Variants in GFI1B observed in about 807,000 individuals in gnomAD.
GFI1B encodes the protein growth factor independent 1B transcriptional repressor.
Under a neutral mutation model 35.3 loss-of-function variants are expected in GFI1B, and 20 were observed. The ratio of observed to expected loss-of-function variants is 0.57; its 90% confidence interval spans 0.40 to 0.82. The LOEUF (loss-of-function observed/expected upper bound fraction) is 0.82. Among genes scored for constraint, GFI1B ranks in the 40% least tolerant of loss-of-function variants. GFI1B has a pLI of 0.00. For missense variants in GFI1B, 430 were observed against 446.3 expected, an observed-to-expected ratio of 0.96 and a Z score of 0.33; for synonymous variants, 178 against 177.6, an observed-to-expected ratio of 1.00 and a Z score of -0.02.
intron 1 of GFI1B, among the ~76,000 whole-genome samples, chr9:132,965,021 T>TAA (rs1848428903): frequency 6.6e-6 from 1 of 152,180 alleles, no homozygotes; most frequent in African/African-American, 2.4e-5. Flanking sequence ...TATCAATAAT[T>TAA]TACTATGGCC....
At chr9:132,966,178 G>GT (rs970107899) in intron 1 of GFI1B, among the ~76,000 whole-genome samples, 13 of 152,112 alleles carry the variant, frequency 8.5e-5, no homozygotes, top group African/African-American at 2.9e-4. Context: ...GGGAAACATA[G>GT]TGAGACCCCA....
chr9:132,987,548 C>T (rs756338290), intron 3 of GFI1B, 129 bp downstream of exon 3: 217 of 1,067,826 alleles, frequency 2.0e-4, no homozygotes, highest in Non-Finnish European at 2.5e-4. Context: ...GGATGCAGCC[C>T]GGGCTCTGTG....
chr9:132,989,625 C>T lies in GFI1B; in HGVS notation c.649-117C>T, dbSNP rs537057688. 8.1e-6 allele frequency: 6 copies of T among 736,516 alleles called. No homozygotes were observed. The East Asian group carries it at 1.1e-4, about 13-fold the overall frequency. 45.6% of individuals were successfully genotyped at this position (736,516 alleles called of 1,614,324 possible). On this transcript the variant is annotated intron_variant, in intron 5 of 6. Transcript: ENST00000372122. The surrounding 1 kb of genome is among the most constrained non-coding windows in gnomAD (Gnocchi z 6.2). ...CACCTCAGAGGCAGAGATGAGGGGT[C>T]CCCCGGTCCTGCTCCTCCAGGCCGC...
downstream of GFI1B, among the ~76,000 whole-genome samples, chr9:132,992,602 A>C (rs7019702): frequency 0.3 from 46,222 of 151,984 alleles, 8,754 homozygotes; most frequent in African/African-American, 0.52. Flanking sequence ...AGTTGTGAAC[A>C]TTCCTTTTTG....
chr9:132,984,661 C>T (rs375506935), intron 1 of GFI1B, among the ~76,000 whole-genome samples: 4 of 152,320 alleles, frequency 2.6e-5, no homozygotes, highest in South Asian at 2.1e-4. Flanking sequence ...GGTCCTTTCT[C>T]GCTCCCCACC....
intron 1 of GFI1B, chr9:132,951,670 A>T (rs551316740): frequency 2.0e-4 from 31 of 152,322 alleles, no homozygotes; most frequent in African/African-American, 7.2e-4. Flanking sequence ...TTTCAGATCC[A>T]TATCATAGCT....
In GFI1B at chr9:132,966,636, T is replaced by C. The variant is rs76658505; in HGVS notation, c.-700-6089T>C. Among the ~76,000 whole-genome samples the C allele has an allele frequency of 5.3e-3, 813 of 152,314 alleles. 3 individuals are homozygous for C. Among genetic ancestry groups the C allele is most frequent in the Non-Finnish European group, 8.7e-3 (593 of 68,014 alleles). On this transcript the variant is annotated intron_variant, in intron 1 of 10. Coordinates refer to the GFI1B transcript ENST00000339463. ...GAGCTGCCATGGATGCTGAAACCAG[T>C]AGGGGAGACTGTGGAGAACAGGATG...
At chr9:132,987,637 T>C (rs975847971) in intron 3 of GFI1B, among the ~76,000 whole-genome samples, 14 of 152,028 alleles carry the variant, frequency 9.2e-5, no homozygotes, top group African/African-American at 3.1e-4. Context: ...AAGCAGCAGC[T>C]GGGCCGGTCC....
chr9:132,951,000 G>A (rs1347796445), intron 1 of GFI1B, among the ~76,000 whole-genome samples: 2 of 151,830 alleles, frequency 1.3e-5, no homozygotes, highest in Non-Finnish European at 2.9e-5. Context: ...ATCACACCCA[G>A]CTAATTATTT....
chr9:132,990,864 C>G lies in GFI1B; in HGVS notation c.815-8C>G. 2 of 1,613,576 alleles carry G rather than the reference C, an allele frequency of 1.2e-6. No individual in the cohort carries two copies. Among genetic ancestry groups the G allele is most frequent in the Non-Finnish European group, 1.7e-6 (2 of 1,179,926 alleles). ...CGCCCTTGCTGTGCTGCGCTGCCCT[C>G]CCTGCAGGTGAGAAGCCGCACAAGT... On this transcript the variant is annotated splice_polypyrimidine_tract_variant and splice_region_variant and intron_variant, in intron 6 of 6. Coordinates refer to ENST00000372122, the MANE Select transcript of GFI1B (RefSeq NM_001377304.1).
In GFI1B at chr9:132,990,907, G is replaced by T. The variant is rs1279137850; in HGVS notation, c.850G>T (p.Ala284Ser). Residue 284 changes from alanine (A) to serine (S), a missense_variant, in exon 7 of 7, where the codon GCC becomes TCC. Transcript: ENST00000372122. The part of the protein sequence containing the change: ...KPHKCQVCGK[A>S]FSQSSNLITH... ...GCACAAGTGCCAGGTGTGCGGAAAG[G>T]CCTTCAGCCAGAGCTCCAACCTCAT... is the stretch of plus-strand genomic sequence containing the variant. The T allele has an allele frequency of 6.2e-7, 1 of 1,614,236 alleles. No individual in the cohort carries two copies. Among genetic ancestry groups the T allele is most frequent in the East Asian group, 2.2e-5 (1 of 44,886 alleles).
chr9:132,970,299 C>A (rs1218916646), intron 1 of GFI1B, among the ~76,000 whole-genome samples: 1 of 152,192 alleles, frequency 6.6e-6, no homozygotes, highest in Admixed American at 6.5e-5. Flanking sequence ...CCACAGCAAG[C>A]TCCTCTGTTT....
chr9:132,946,323 A>C (rs1335060092), intron 1 of GFI1B, among the ~76,000 whole-genome samples: 4 of 152,192 alleles, frequency 2.6e-5, no homozygotes, highest in Non-Finnish European at 5.9e-5. Flanking sequence ...CATAGGGCTA[A>C]TAATAATGCT....
rs145418687 is a variant in GFI1B, at chr9:132,989,153, C to G, written c.603C>G (p.Phe201Leu). The change falls in exon 5 of 7, where the codon TTC becomes TTG. Residue 201 changes from phenylalanine (F) to leucine (L), a missense_variant. By Grantham distance (22) the Phe-to-Leu change is conservative. Transcript: ENST00000372122. This position sits in a 1 kb window ranked among gnomAD's most constrained non-coding sequence, Gnocchi z 6.2. ...PFACDICGKT[F>L]GHAVSLEQHT... ...CCTGTGACATCTGCGGCAAAACCTT[C>G]GGCCACGCTGTGAGCCTGGAGCAGC... 6.2e-7 allele frequency: 1 copy of G among 1,613,776 alleles called. No individual in the cohort carries two copies. The highest frequency in any genetic ancestry group is 8.5e-7 in the Non-Finnish European group (1 of 1,179,878).
At chr9:132,990,695 G>A (rs1849263856) in intron 6 of GFI1B, among the ~76,000 whole-genome samples, 177 bp from the exon 7 acceptor site, 1 of 152,270 alleles carries the variant, frequency 6.6e-6, no homozygotes, top group African/African-American at 2.4e-5. Flanking sequence ...GAGGGTCCAA[G>A]TTGTATCTTT....
chr9:132,966,020 C>T (rs1365390094), intron 1 of GFI1B, among the ~76,000 whole-genome samples: 1 of 152,054 alleles, frequency 6.6e-6, no homozygotes, highest in Non-Finnish European at 1.5e-5. Context: ...TAAAAAAATC[C>T]ATGAGTTCAC....
chr9:132,967,586 G>A (rs946397792), intron 1 of GFI1B, among the ~76,000 whole-genome samples: 4 of 152,186 alleles, frequency 2.6e-5, no homozygotes, highest in African/African-American at 9.6e-5. Flanking sequence ...CATATAGACT[G>A]GATATTCGAC....
chr9:132,987,108 C>T lies in GFI1B; in HGVS notation c.101-174C>T, dbSNP rs8193001. Reference sequence around the variant, plus strand: ...GTCTTCCCCGGGGTCTCCTCCTGGCCTCTTCTTGCCGCCGCCTGCTCTGGG... The same window carrying T: ...GTCTTCCCCGGGGTCTCCTCCTGGCTTCTTCTTGCCGCCGCCTGCTCTGGG... On this transcript the variant is annotated intron_variant, in intron 2 of 6. Transcript: ENST00000372122. Among the ~76,000 whole-genome samples the T allele has an allele frequency of 0.21, 32,342 of 152,200 alleles. 3,787 individuals carry two copies. The highest frequency in any genetic ancestry group is 0.27 in the Non-Finnish European group (18,030 of 67,994).
Position 132,986,753 on chromosome 9 carries a change from G to T in GFI1B, c.75G>T (p.Pro25=), listed in dbSNP as rs760342693. The T allele has an allele frequency of 6.8e-6, 11 of 1,611,900 alleles. No individual in the cohort carries two copies. Among genetic ancestry groups the T allele is most frequent in the East Asian group, 2.2e-5 (1 of 44,850 alleles). The change falls in exon 2 of 7, where the codon CCG becomes CCT. Residue 25 remains proline, a synonymous_variant. Coordinates refer to ENST00000372122, the MANE Select transcript of GFI1B (RefSeq NM_001377304.1). ...AGCCCCGTGTGCAGGAAGATGAACC[G>T]CTCTGGCCTCCTGCCCTTACCCCGG... is the stretch of plus-strand genomic sequence containing the variant. ...YHQPRVQEDE[P]LWPPALTPVP...
Sources: allele counts gnomAD v4.1 joint callset (sites outside exome capture counted in the v4.1 genomes callset), GRCh38; gene constraint gnomAD v4.1.1; non-coding constraint Gnocchi (gnomAD v3.1); transcripts MANE v1.5; gene names NCBI Gene and HGNC (gene_info 2026-07-23, HGNC 2026-07-21).